Variants in DYNC2I1 observed in about 807,000 individuals in gnomAD.
DYNC2I1 encodes the protein cytoplasmic dynein 2 intermediate chain 1.
DYNC2I1 carries 89 observed loss-of-function variants against 133.4 expected under a neutral mutation model. The observed-to-expected ratio is 0.67, with a 90% CI of 0.56 to 0.80. The LOEUF is 0.80. Ranked by LOEUF, DYNC2I1 falls within the 30% of genes least tolerant of loss-of-function variation. DYNC2I1 has a pLI of 0.00. For synonymous variants in DYNC2I1, 504 were observed against 484.3 expected (o/e 1.04, Z -0.54); for missense variants, 1,291 against 1,314.5 (o/e 0.98, Z 0.28).
At chr7:158,870,652 T>A (rs2129477422) in intron 2 of DYNC2I1, among the ~76,000 whole-genome samples, 1 of 152,242 alleles carries the variant, frequency 6.6e-6, no homozygotes, top group Non-Finnish European at 1.5e-5. Flanking sequence ...GGATAATAGG[T>A]GTGAGATACC....
At chr7:158,864,766 A>G (rs947912336) in intron 1 of DYNC2I1, among the ~76,000 whole-genome samples, 4 of 152,162 alleles carry the variant, frequency 2.6e-5, no homozygotes, top group South Asian at 2.1e-4. Context: ...TCAGCCTAGC[A>G]AAGTGTTAGG....
intron 4 of DYNC2I1, among the ~76,000 whole-genome samples, chr7:158,878,796 A>G (rs113345959): frequency 2.3e-3 from 138 of 60,504 alleles, no homozygotes; most frequent in East Asian, 3.9e-3. Flanking sequence ...TCTGAGTGCC[A>G]GGTGCCATGT....
chr7:158,896,261 C>G (rs967046899), intron 8 of DYNC2I1, among the ~76,000 whole-genome samples: 3 of 152,070 alleles, frequency 2.0e-5, no homozygotes, highest in Non-Finnish European at 2.9e-5. Flanking sequence ...GAGGAAATTT[C>G]TCTCTATTCC....
chr7:158,901,268 C>T (rs780428238), intron 8 of DYNC2I1, among the ~76,000 whole-genome samples: 1 of 152,082 alleles, frequency 6.6e-6, no homozygotes, highest in East Asian at 1.9e-4. Context: ...GATGCGGTTT[C>T]GCCATGTTGC....
chr7:158,872,614 G>A (rs879605811), intron 3 of DYNC2I1, among the ~76,000 whole-genome samples: 6 of 151,908 alleles, frequency 3.9e-5, no homozygotes, highest in Admixed American at 2.0e-4. Context: ...CAGACAGAGC[G>A]AGACTCTGTC....
intron 8 of DYNC2I1, among the ~76,000 whole-genome samples, chr7:158,891,576 G>A (rs1845220113): frequency 6.6e-6 from 1 of 152,144 alleles, no homozygotes; most frequent in Admixed American, 6.5e-5. Flanking sequence ...TGGGTTGTGT[G>A]CACACCGTCA....
intron 1 of DYNC2I1, among the ~76,000 whole-genome samples, chr7:158,867,381 C>T (rs1006319543): frequency 1.3e-5 from 2 of 152,198 alleles, no homozygotes; most frequent in Non-Finnish European, 2.9e-5. Context: ...CACTGAGGTT[C>T]TGCTGAGGCC....
At position 158,918,881 on chromosome 7, in the gene DYNC2I1, T is replaced by C; in HGVS notation, c.1921+12T>C. On this transcript the variant is annotated intron_variant, in intron 15 of 24. Coordinates refer to ENST00000407559, the MANE Select transcript of DYNC2I1 (RefSeq NM_018051.5). Reference sequence around the variant, plus strand: ...ACCATTCCTTCAAAGTAAGAGGCTGTTCTCAAATATGATTTTAAATCCAGT... The same window carrying C: ...ACCATTCCTTCAAAGTAAGAGGCTGCTCTCAAATATGATTTTAAATCCAGT... The C allele has an allele frequency of 1.2e-6, 2 of 1,607,624 alleles. No homozygotes were observed. The highest frequency in any genetic ancestry group is 1.7e-6 in the Non-Finnish European group (2 of 1,175,828).
At chr7:158,943,548 A>C (rs993995761) in intron 24 of DYNC2I1, among the ~76,000 whole-genome samples, 2 of 152,086 alleles carry the variant, frequency 1.3e-5, no homozygotes, top group Admixed American at 1.3e-4. Flanking sequence ...CTAGGAGATG[A>C]GGTCTGGGTG....
In DYNC2I1 at chr7:158,953,515, G is replaced by A. The variant is rs965369281; in HGVS notation, c.*57-3068G>A. ...CTATCATAATCCCAGCACTTTGGGA[G>A]GCCAAGACAGAGGGTTGCTTGAGCC... On this transcript the variant is annotated intron_variant and NMD_transcript_variant, in intron 4 of 4. Coordinates refer to the DYNC2I1 transcript ENST00000454771. Among the ~76,000 whole-genome samples the A allele has an allele frequency of 7.9e-5, 12 of 152,204 alleles. No homozygotes were observed. The East Asian group carries it at 2.3e-3, about 29-fold the overall frequency.
intron 16 of DYNC2I1, among the ~76,000 whole-genome samples, chr7:158,922,777 C>T (rs1849232904): frequency 6.6e-6 from 1 of 152,174 alleles, no homozygotes; most frequent in Non-Finnish European, 1.5e-5. Flanking sequence ...TTTCACAGAG[C>T]AGCCCTTTGG....
intron 4 of DYNC2I1, among the ~76,000 whole-genome samples, chr7:158,878,460 GCC>G (rs1843610199): frequency 7.1e-6 from 1 of 140,798 alleles, no homozygotes; most frequent in Non-Finnish European, 1.5e-5. Context: ...GGCCAGGAGG[GCC>G]GACAGTGAGT....
At chr7:158,909,305 TG>T (rs1847146643) in intron 11 of DYNC2I1, among the ~76,000 whole-genome samples, 2 of 118,840 alleles carry the variant, frequency 1.7e-5, no homozygotes, top group African/African-American at 6.9e-5. Flanking sequence ...CACTACAGCC[TG>T]GGCGACAGAG....
At chr7:158,852,694 G>A (rs1012283234), upstream of DYNC2I1, among the ~76,000 whole-genome samples, 2 of 152,216 alleles carry the variant, frequency 1.3e-5, no homozygotes, top group Non-Finnish European at 2.9e-5. Context: ...AGCTGAGATC[G>A]CGCCATTGCA....
the DYNC2I1 span, among the ~76,000 whole-genome samples, chr7:158,848,652 C>T: frequency 9.2e-5 from 14 of 152,254 alleles, no homozygotes; most frequent in South Asian, 6.2e-4. Flanking sequence ...AGGCCGGGCG[C>T]GGTGACTCAC....
At chr7:158,901,902 T>G (rs1373170312) in intron 9 of DYNC2I1, 86 bp downstream of exon 9, 71 of 997,304 alleles carry the variant, frequency 7.1e-5, no homozygotes, top group Non-Finnish European at 9.5e-5. Context: ...GATGTCCTTT[T>G]TATTCTTTTT....
At chr7:158,892,427 A>T (rs1038848400) in intron 8 of DYNC2I1, among the ~76,000 whole-genome samples, 3 of 152,042 alleles carry the variant, frequency 2.0e-5, no homozygotes, top group African/African-American at 7.2e-5. Context: ...TATTTTTATA[A>T]GACTTTATTA....
At chr7:158,944,832 G>A (rs941020908) in intron 24 of DYNC2I1, among the ~76,000 whole-genome samples, 1 of 152,178 alleles carries the variant, frequency 6.6e-6, no homozygotes, top group Non-Finnish European at 1.5e-5. Flanking sequence ...ACGGGGAGAC[G>A]GGGTCCCCAG....
intron 10 of DYNC2I1, chr7:158,905,070 G>C: frequency 2.4e-6 from 1 of 408,578 alleles, no homozygotes; most frequent in East Asian, 7.2e-5. Flanking sequence ...GGGAAGAGGT[G>C]GATTGAGGAA....
Sources: allele counts gnomAD v4.1 joint callset (sites outside exome capture counted in the v4.1 genomes callset), GRCh38; gene constraint gnomAD v4.1.1; transcripts MANE v1.5; gene names NCBI Gene and HGNC (gene_info 2026-07-23, HGNC 2026-07-21).